Variants in ZSCAN29 observed in about 807,000 individuals in gnomAD.
The protein encoded by ZSCAN29 is zinc finger and SCAN domain-containing protein 29.
A neutral mutation model predicts 71.9 loss-of-function variants in ZSCAN29; 55 were observed. The ratio of observed to expected loss-of-function variants is 0.76; its 90% CI spans 0.62 to 0.96. The LOEUF is 0.96. ZSCAN29 is among the 40% of genes least tolerant of loss of function. The pLI is 0.00. For synonymous variants in ZSCAN29, 351 were observed against 371.6 expected (o/e 0.94, Z 0.64); for missense variants, 1,042 against 1,042.2 (o/e 1.00, Z 0.00).
chr15:43,366,824 C>A lies in ZSCAN29; in HGVS notation c.524-16G>T. 6.3e-7 allele frequency: 1 copy of A among 1,592,350 alleles called. No individual in the cohort carries two copies. Among genetic ancestry groups the A allele is most frequent in the East Asian group, 2.2e-5 (1 of 44,694 alleles). ...AATGGCAATCCTGCTTGCAGGGAAA[C>A]AAACAAAAGTTGTCATAGTTTGGAC... On this transcript the variant is annotated splice_polypyrimidine_tract_variant and intron_variant, in intron 3 of 5. Coordinates refer to ENST00000684362, the MANE Select transcript of ZSCAN29 (RefSeq NM_001372080.1).
At chr15:43,369,444 G>T (rs2142739674) in intron 2 of ZSCAN29, 152 bp downstream of exon 2, 2 of 800,846 alleles carry the variant, frequency 2.5e-6, no homozygotes, top group East Asian at 5.3e-5. Context: ...AGCATCTCCA[G>T]ACAAGCACTA....
At chr15:43,368,681 CTA>C (rs1396630824) in intron 3 of ZSCAN29, among the ~76,000 whole-genome samples, 4 of 151,934 alleles carry the variant, frequency 2.6e-5, no homozygotes. Flanking sequence ...AAATAATGAC[CTA>C]TACTATCATC....
In ZSCAN29 at chr15:43,369,670, A is replaced by C. The variant is rs369750307; in HGVS notation, c.244T>G (p.Cys82Gly). The C allele has an allele frequency of 6.2e-7, 1 of 1,614,064 alleles. No homozygotes were observed. Among genetic ancestry groups the C allele is most frequent in the Non-Finnish European group, 8.5e-7 (1 of 1,180,030 alleles). ...ACTGCCTCCTCTCCATTTTCTGGACATTGTTCCTGTACCCAATTCTGGATC... is the reference window on the plus strand; with the variant it reads ...ACTGCCTCCTCTCCATTTTCTGGACCTTGTTCCTGTACCCAATTCTGGATC... ...GEIQNWVQEQ[C>G]PENGEEAVTL... The change falls in exon 2 of 6, where the codon TGT becomes GGT. Residue 82 changes from cysteine (C) to glycine (G), a missense_variant. Physicochemically the swap from Cys to Gly is radical, Grantham distance 159. Transcript: ENST00000684362.
Position 43,361,779 on chromosome 15 carries a change from G to C in ZSCAN29, c.1853C>G (p.Ala618Gly). ...ESDCRSGRQW[A>G]KTSGEKRGKL... Reference sequence around the variant, plus strand: ...TCCTCTTTTCTCCCCTGAGGTCTTTGCCCACTGTCTTCCTGATCTACAGTC... The same window carrying C: ...TCCTCTTTTCTCCCCTGAGGTCTTTCCCCACTGTCTTCCTGATCTACAGTC... Residue 618 changes from alanine to glycine, a missense_variant, in exon 6 of 6, where the codon GCA (alanine) becomes GGA (glycine). Physicochemically the swap from Ala to Gly is moderately conservative, Grantham distance 60. Coordinates refer to ENST00000684362, the MANE Select transcript of ZSCAN29 (RefSeq NM_001372080.1). 11 of 1,614,128 alleles carry C rather than the reference G, an allele frequency of 6.8e-6. No homozygotes were observed. The highest frequency in any genetic ancestry group is 9.3e-6 in the Non-Finnish European group (11 of 1,180,014).
At position 43,358,467 on chromosome 15, in the gene ZSCAN29, T is replaced by C. The variant is rs1371318207; in HGVS notation, c.*2606A>G. The C allele has an allele frequency of 6.6e-6, 1 of 152,158 alleles. No homozygotes were observed. Among genetic ancestry groups the C allele is most frequent in the Admixed American group, 6.5e-5 (1 of 15,276 alleles). 9.4% of individuals were successfully genotyped at this position (152,158 alleles called of 1,614,324 possible). On this transcript the variant is annotated 3_prime_UTR_variant, in exon 6 of 6. Transcript: ENST00000684362. Reference sequence around the variant, plus strand: ...TAGCTTCCTGTCTGCTTAGGCAACATAACAGAAGTACCATCTTCCCTTAAT... The same window carrying C: ...TAGCTTCCTGTCTGCTTAGGCAACACAACAGAAGTACCATCTTCCCTTAAT...
At chr15:43,365,121 A>C (rs1471647002) in intron 4 of ZSCAN29, among the ~76,000 whole-genome samples, 1 of 152,134 alleles carries the variant, frequency 6.6e-6, no homozygotes, top group African/African-American at 2.4e-5. Flanking sequence ...AAACAGAAGG[A>C]AAAGACCACT....
At position 43,359,305 on chromosome 15, in the gene ZSCAN29, T is replaced by A. The variant is rs576874386; in HGVS notation, c.*1768A>T. The A allele has an allele frequency of 2.0e-5, 3 of 152,402 alleles. No homozygotes were observed. The highest frequency in any genetic ancestry group is 6.5e-5 in the Admixed American group (1 of 15,308). 9.4% of individuals were successfully genotyped at this position (152,402 alleles called of 1,614,324 possible). On this transcript the variant is annotated 3_prime_UTR_variant, in exon 6 of 6. Coordinates refer to ENST00000684362, the MANE Select transcript of ZSCAN29 (RefSeq NM_001372080.1). ...ATGTGCACTTGTTTGTCCATGTCAG[T>A]GTCATCTGCTTTAGATTGTAAGGAC...
chr15:43,369,933 C>T lies in ZSCAN29; in HGVS notation c.-20G>A, dbSNP rs1326800178. The T allele has an allele frequency of 1.9e-6, 3 of 1,573,572 alleles. No individual in the cohort carries two copies. The South Asian group carries it at 3.4e-5, about 18-fold the overall frequency. The stretch of plus-strand genomic sequence containing the variant: ...CATCATTAATAGCAGAATGCAGCTT[C>T]CCTTCGCTTAGGAGTCTGGGTTCCA... On this transcript the variant is annotated 5_prime_UTR_variant, in exon 2 of 6. Transcript: ENST00000684362.
intron 4 of ZSCAN29, among the ~76,000 whole-genome samples, chr15:43,364,676 A>G (rs1178268839): frequency 1.3e-5 from 2 of 152,122 alleles, no homozygotes; most frequent in Non-Finnish European, 2.9e-5. Flanking sequence ...GCTTGGGGCC[A>G]GGAGTTTGAG....
chr15:43,368,525 C>CAAAAA, intron 3 of ZSCAN29, among the ~76,000 whole-genome samples: 127 of 10,284 alleles, frequency 0.012, 6 homozygotes, highest in African/African-American at 0.014. Flanking sequence ...GACTCCGTCT[C>CAAAAA]AAAAAAAAAA....
intron 4 of ZSCAN29, among the ~76,000 whole-genome samples, chr15:43,364,766 T>C (rs1041755182): frequency 2.6e-5 from 4 of 151,758 alleles, no homozygotes; most frequent in African/African-American, 9.7e-5. Flanking sequence ...TGTGCACCTA[T>C]AGTCCCAGCT....
chr15:43,361,092 G>A lies in ZSCAN29; in HGVS notation c.2540C>T (p.Thr847Ile), dbSNP rs370490171. The change falls in exon 6 of 6, where the codon ACA (threonine) becomes ATA (isoleucine). Residue 847 changes from threonine (T) to isoleucine (I), a missense_variant. Physicochemically the swap from Thr to Ile is moderately conservative, Grantham distance 89. Coordinates refer to ENST00000684362, the MANE Select transcript of ZSCAN29 (RefSeq NM_001372080.1). ...GEIHAREKLL[T>I]QSAPK ...AGGGGCTTACTTGGGAGCTGACTGT[G>A]TCAGAAGCTTTTCCCGTGCATGGAT... is the stretch of plus-strand genomic sequence containing the variant. The A allele has an allele frequency of 1.1e-5, 18 of 1,602,450 alleles. No individual in the cohort carries two copies. The highest frequency in any genetic ancestry group is 1.5e-5 in the Non-Finnish European group (18 of 1,171,446).
Position 43,370,015 on chromosome 15 carries a change from G to A in ZSCAN29, c.-102C>T, listed in dbSNP as rs1343538343. The A allele has an allele frequency of 1.4e-5, 17 of 1,217,098 alleles. No individual in the cohort carries two copies. Among genetic ancestry groups the A allele is most frequent in the Admixed American group, 9.5e-5 (4 of 42,072 alleles). The allele number at this position is 1,217,098 out of a possible 1,614,324, so 75.4% of individuals were successfully genotyped here. A position where few individuals can be genotyped will look rare whatever the true frequency, so the allele number is the denominator to read the frequency against. ...GAATCCCCTGCAGATGACTGTAAGA[G>A]GTGTTTCTTCCTAGGGCAGAGAAAG... On this transcript the variant is annotated 5_prime_UTR_variant, in exon 2 of 6. Transcript: ENST00000684362.
chr15:43,369,469 C>G, intron 2 of ZSCAN29, 127 bp downstream of exon 2: 2 of 1,075,564 alleles, frequency 1.9e-6, no homozygotes, highest in Admixed American at 5.0e-5. Flanking sequence ...AAAAAGTTAC[C>G]TATACCAGAC....
chr15:43,366,316 G>C lies in ZSCAN29; in HGVS notation c.1016C>G (p.Pro339Arg). The change falls in exon 4 of 6, where the codon CCC becomes CGC. Residue 339 changes from proline to arginine, a missense_variant. Pro to Arg is a moderately radical substitution (Grantham distance 103). Coordinates refer to ENST00000684362, the MANE Select transcript of ZSCAN29 (RefSeq NM_001372080.1). The part of the protein sequence containing the change: ...ALMSAQVIAL[P>R]SNGLEAAASH... The stretch of plus-strand genomic sequence containing the variant: ...GGCTGCTGCTTCCAGGCCATTACTG[G>C]GCAGGGCAATGACCTGAGCACTCAT... 3 of 1,613,148 alleles carry C rather than the reference G, an allele frequency of 1.9e-6. No individual in the cohort carries two copies. The highest frequency in any genetic ancestry group is 1.7e-6 in the Non-Finnish European group (2 of 1,180,030).
At position 43,369,087 on chromosome 15, in the gene ZSCAN29, T is replaced by G; in HGVS notation, c.359A>C (p.Lys120Thr). Reference protein sequence around the residue: ...SVKGQEVRLEKMTPPKSSQEL... With the variant: ...SVKGQEVRLETMTPPKSSQEL... ...TTGTGATGATTTCGGGGGTGTCATC[T>G]TCTCCAAGCGCACTTCCTGCCCCTT... Residue 120 changes from lysine (K) to threonine (T), a missense_variant, in exon 3 of 6, where the codon AAG becomes ACG. Transcript: ENST00000684362. 6.3e-7 allele frequency: 1 copy of G among 1,599,354 alleles called. No individual in the cohort carries two copies. Among genetic ancestry groups the G allele is most frequent in the Non-Finnish European group, 8.5e-7 (1 of 1,170,140 alleles).
In ZSCAN29 at chr15:43,364,125, C is replaced by A. The variant is rs750133880; in HGVS notation, c.1480G>T (p.Val494Leu). ...CPFFEEMDAL[V>L]SVRVAAPPND... ...GGTGGGGCAGCAACCCGGACACTCA[C>A]CAAAGCATCCATCTCTTCAAAGAAG... The change falls in exon 5 of 6, where the codon GTG becomes TTG. Residue 494 changes from valine (V) to leucine (L), a missense_variant. Transcript: ENST00000684362. The A allele has an allele frequency of 1.5e-5, 25 of 1,614,066 alleles. No individual in the cohort carries two copies. The highest frequency in any genetic ancestry group is 2.2e-5 in the South Asian group (2 of 91,082).
Position 43,369,903 on chromosome 15 carries a change from T to C in ZSCAN29, c.11A>G (p.Lys4Arg), listed in dbSNP as rs773356187. MMA[K>R]SALRENGTNS... ...AGTGCCATTCTCTCTTAGAGCTGAT[T>C]TGGCCATCATTAATAGCAGAATGCA... Residue 4 changes from lysine to arginine, a missense_variant, in exon 2 of 6, where the codon AAA (lysine) becomes AGA (arginine). Lys to Arg is a conservative substitution (Grantham distance 26). Transcript: ENST00000684362. The C allele has an allele frequency of 2.9e-5, 46 of 1,598,302 alleles. No individual in the cohort carries two copies. Among genetic ancestry groups the C allele is most frequent in the Non-Finnish European group, 3.7e-5 (44 of 1,174,200 alleles).
intron 3 of ZSCAN29, among the ~76,000 whole-genome samples, chr15:43,368,054 A>C (rs2044056714): frequency 6.6e-6 from 1 of 152,226 alleles, no homozygotes; most frequent in Admixed American, 6.5e-5. Flanking sequence ...GTGAACAAAA[A>C]AATATAACAG....
Sources: gnomAD v4.1 joint callset for allele counts (sites outside exome capture counted in the v4.1 genomes callset) on GRCh38, gnomAD v4.1.1 for gene constraint, MANE v1.5 for transcripts, NCBI Gene and HGNC (gene_info 2026-07-23, HGNC 2026-07-21) for gene names.